FGF12: variants seen among roughly 807,000 people sequenced by gnomAD.
FGF12 encodes the protein fibroblast growth factor 12.
Under a neutral mutation model 23.6 loss-of-function variants are expected in FGF12, and 14 were observed. The ratio of observed to expected loss-of-function variants is 0.59; its 90% CI spans 0.39 to 0.93. FGF12 has a LOEUF of 0.93. Among genes scored for constraint, FGF12 ranks in the 40% least tolerant of loss-of-function variants. FGF12 has a pLI of 0.00. For missense variants in FGF12, 175 were observed against 217.8 expected, an observed-to-expected ratio of 0.80 and a Z score of 1.24; for synonymous variants, 62 against 77.3, an observed-to-expected ratio of 0.80 and a Z score of 1.04.
At chr3:192,257,175 A>C (rs577026231) in intron 4 of FGF12, among the ~76,000 whole-genome samples, 1 of 152,158 alleles carries the variant, frequency 6.6e-6, no homozygotes, top group Non-Finnish European at 1.5e-5. Flanking sequence ...CCCACATTTT[A>C]TCAGATTAAA....
intron 4 of FGF12, among the ~76,000 whole-genome samples, chr3:192,299,357 T>C (rs1377176475): frequency 6.6e-6 from 1 of 152,214 alleles, no homozygotes; most frequent in East Asian, 1.9e-4. Context: ...GAGATTGGCC[T>C]GTGATTACCA....
intron 4 of FGF12, among the ~76,000 whole-genome samples, chr3:192,271,353 G>GA (rs1307319587): frequency 6.6e-5 from 10 of 152,142 alleles, no homozygotes; most frequent in Non-Finnish European, 1.5e-4. Flanking sequence ...CTGCATTGTT[G>GA]AATGCTGTAC....
Position 192,144,002 on chromosome 3 carries a change from T to G in FGF12, c.*7A>C. The G allele has an allele frequency of 6.5e-7, 1 of 1,548,244 alleles. No individual in the cohort carries two copies. The highest frequency in any genetic ancestry group is 8.9e-7 in the Non-Finnish European group (1 of 1,120,782). On this transcript the variant is annotated 3_prime_UTR_variant, in exon 6 of 6. Coordinates refer to ENST00000445105, the MANE Select transcript of FGF12 (RefSeq NM_004113.6). ...GATGAGAGAGGGAAGAAGGGGAGAG[T>G]TCTCAGCTATGTTGAATCTTGATTC...
At chr3:192,714,864 A>G (rs1015915054) in intron 2 of FGF12, among the ~76,000 whole-genome samples, 1 of 152,208 alleles carries the variant, frequency 6.6e-6, no homozygotes, top group Non-Finnish European at 1.5e-5. Flanking sequence ...GTTATTTTCA[A>G]AAGGAACTTT....
At chr3:192,632,463 A>G (rs1715426488) in intron 2 of FGF12, among the ~76,000 whole-genome samples, 1 of 152,334 alleles carries the variant, frequency 6.6e-6, no homozygotes, top group Admixed American at 6.5e-5. Context: ...CAAGCTTCAA[A>G]TGCCAAGCAG....
chr3:192,233,322 A>G (rs1719120531), intron 4 of FGF12, among the ~76,000 whole-genome samples: 1 of 152,062 alleles, frequency 6.6e-6, no homozygotes, highest in South Asian at 2.1e-4. Context: ...AACATTTTTC[A>G]TATGCTTGTT....
intron 4 of FGF12, among the ~76,000 whole-genome samples, chr3:192,229,178 A>G (rs1195364066): frequency 1.3e-5 from 2 of 151,846 alleles, no homozygotes; most frequent in Non-Finnish European, 2.9e-5. Flanking sequence ...AAAAAAAAAA[A>G]CCTGAGTTCT....
chr3:192,191,111 T>C (rs1716767860), intron 4 of FGF12, among the ~76,000 whole-genome samples: 1 of 152,212 alleles, frequency 6.6e-6, no homozygotes, highest in African/African-American at 2.4e-5. Flanking sequence ...ACTTTTAGTA[T>C]TGGTGACTAC....
intron 2 of FGF12, among the ~76,000 whole-genome samples, chr3:192,550,080 T>C (rs1725593765): frequency 6.6e-6 from 1 of 151,862 alleles, no homozygotes; most frequent in Admixed American, 6.6e-5. Flanking sequence ...CTCACACTTA[T>C]ATATGTGTAT....
At chr3:192,280,887 TA>T (rs974989187) in intron 4 of FGF12, among the ~76,000 whole-genome samples, 3 of 152,186 alleles carry the variant, frequency 2.0e-5, no homozygotes, top group Non-Finnish European at 4.4e-5. Context: ...AGGTCTGTCT[TA>T]AAAATGTAAA....
chr3:192,423,811 T>C (rs1052954312), intron 2 of FGF12, among the ~76,000 whole-genome samples: 2 of 152,146 alleles, frequency 1.3e-5, no homozygotes, highest in African/African-American at 4.8e-5. Context: ...TAACAAAAGC[T>C]AGTAGGTACA....
intron 4 of FGF12, among the ~76,000 whole-genome samples, chr3:192,227,938 T>C (rs1215547194): frequency 6.6e-6 from 1 of 152,164 alleles, no homozygotes; most frequent in Non-Finnish European, 1.5e-5. Context: ...CTGTATTTTC[T>C]ACAAGAGGAC....
intron 4 of FGF12, among the ~76,000 whole-genome samples, chr3:192,315,063 C>T (rs1004659793): frequency 6.6e-6 from 1 of 152,168 alleles, no homozygotes; most frequent in Non-Finnish European, 1.5e-5. Flanking sequence ...TTGTAGCTGG[C>T]TGAAAGGTAT....
chr3:192,574,319 G>C (rs1396700199), intron 2 of FGF12, among the ~76,000 whole-genome samples: 2 of 152,172 alleles, frequency 1.3e-5, no homozygotes, highest in African/African-American at 4.8e-5. Flanking sequence ...ATATAATGAA[G>C]CCTCAATTCT....
intron 2 of FGF12, among the ~76,000 whole-genome samples, chr3:192,629,958 G>A (rs769517493): frequency 3.3e-5 from 5 of 152,104 alleles, no homozygotes; most frequent in Non-Finnish European, 5.9e-5. Context: ...GATGAGCTCC[G>A]GCCCAAATCG....
chr3:192,415,557 C>T (rs1721321788), intron 2 of FGF12, among the ~76,000 whole-genome samples: 1 of 151,958 alleles, frequency 6.6e-6, no homozygotes, highest in South Asian at 2.1e-4. Flanking sequence ...AGGGTAGCCT[C>T]CACATTTCCA....
At chr3:192,158,324 C>CTT (rs199923268) in intron 5 of FGF12, among the ~76,000 whole-genome samples, 3,940 of 122,344 alleles carry the variant, frequency 0.032, 170 homozygotes, top group South Asian at 0.063. Context: ...CTCTTTCTTT[C>CTT]TTTCTTTCTC....
intron 2 of FGF12, among the ~76,000 whole-genome samples, chr3:192,447,890 C>G (rs1459835882): frequency 6.6e-6 from 1 of 152,182 alleles, no homozygotes; most frequent in Non-Finnish European, 1.5e-5. Flanking sequence ...CTATATGTCC[C>G]TTCTCAGGCA....
chr3:192,217,824 T>TTTTTC lies in FGF12; in HGVS notation c.229-47173_229-47169dup, dbSNP rs1031986706. On this transcript the variant is annotated intron_variant, in intron 4 of 5. Transcript: ENST00000445105. The stretch of plus-strand genomic sequence containing the variant: ...CTAATTAATTCTTGTCACTTTTCTT[T>TTTTTC]TTTTCTTTTCTTTTCTTTTCTTTTT... 1.4e-4 allele frequency among the ~76,000 whole-genome samples: 22 copies of TTTTTC among 152,116 alleles called. No individual in the cohort carries two copies. In the East Asian group the frequency reaches 1.9e-3, roughly 13 times the overall value.
Sources: allele counts gnomAD v4.1 joint callset (sites outside exome capture counted in the v4.1 genomes callset), GRCh38; gene constraint gnomAD v4.1.1; transcripts MANE v1.5; gene names NCBI Gene and HGNC (gene_info 2026-07-23, HGNC 2026-07-21).